PCSK5: variants seen among roughly 807,000 people sequenced by gnomAD.
The protein encoded by PCSK5 is proprotein convertase subtilisin/kexin type 5.
Under a neutral mutation model 233.2 loss-of-function variants are expected in PCSK5, and 129 were observed. The observed-to-expected ratio is 0.55, with a 90% CI of 0.48 to 0.64. PCSK5 has a LOEUF of 0.64. Ranked by LOEUF, PCSK5 falls within the 30% of genes least tolerant of loss-of-function variation. The pLI is 0.00. For missense variants in PCSK5, 2,076 were observed against 2,430.1 expected (o/e 0.85, Z 3.06); for synonymous variants, 825 against 879.2 (o/e 0.94, Z 1.09).
intron 5 of PCSK5, among the ~76,000 whole-genome samples, chr9:76,038,374 T>C (rs974459954): frequency 6.6e-5 from 10 of 152,214 alleles, no homozygotes; most frequent in Admixed American, 1.3e-4. Context: ...CCGTTCATTT[T>C]AGTTTATGCT....
intron 2 of PCSK5, among the ~76,000 whole-genome samples, chr9:75,982,422 A>G (rs368210670): frequency 6.6e-6 from 1 of 152,096 alleles, no homozygotes; most frequent in African/African-American, 2.4e-5. Flanking sequence ...TCCCCTCACC[A>G]TTATGTGAGA....
intron 24 of PCSK5, among the ~76,000 whole-genome samples, chr9:76,255,599 G>T (rs1316836341): frequency 1.3e-5 from 2 of 152,176 alleles, no homozygotes; most frequent in Non-Finnish European, 1.5e-5. Flanking sequence ...GGTGGCAGGT[G>T]AGGGGAATCA....
chr9:76,218,689 T>C (rs1825625751), intron 20 of PCSK5, among the ~76,000 whole-genome samples: 1 of 152,076 alleles, frequency 6.6e-6, no homozygotes, highest in South Asian at 2.1e-4. Flanking sequence ...ATTATCCACA[T>C]TTACAGAAGA....
chr9:76,192,748 C>T (rs1331084507), intron 20 of PCSK5, among the ~76,000 whole-genome samples: 1 of 152,160 alleles, frequency 6.6e-6, no homozygotes, highest in African/African-American at 2.4e-5. Context: ...ATAACAAATA[C>T]TTTTAATAAG....
At chr9:75,939,278 T>G (rs62555895) in intron 2 of PCSK5, among the ~76,000 whole-genome samples, 13,039 of 152,270 alleles carry the variant, frequency 0.086, 753 homozygotes, top group Non-Finnish European at 0.13. Flanking sequence ...ACTAGGGCAA[T>G]AATAACACAG....
chr9:76,332,924 C>A (rs539715978), intron 34 of PCSK5, among the ~76,000 whole-genome samples: 1 of 152,210 alleles, frequency 6.6e-6, no homozygotes, highest in Non-Finnish European at 1.5e-5. Flanking sequence ...TGCCTGTAAT[C>A]CCAACTACGT....
At chr9:76,100,117 T>A (rs1831694774) in intron 8 of PCSK5, among the ~76,000 whole-genome samples, 1 of 152,220 alleles carries the variant, frequency 6.6e-6, no homozygotes, top group Non-Finnish European at 1.5e-5. Flanking sequence ...AGCACAGTTG[T>A]GGACCTCGGT....
intron 16 of PCSK5, among the ~76,000 whole-genome samples, chr9:76,182,756 C>T (rs1823929125): frequency 6.6e-6 from 1 of 152,106 alleles, no homozygotes; most frequent in Non-Finnish European, 1.5e-5. Context: ...GATAATTTCT[C>T]TTAACAAGGA....
At chr9:76,044,164 T>C (rs1360870480) in intron 5 of PCSK5, among the ~76,000 whole-genome samples, 1 of 152,184 alleles carries the variant, frequency 6.6e-6, no homozygotes, top group Non-Finnish European at 1.5e-5. Flanking sequence ...AAATCAGATA[T>C]AATTAGACCA....
chr9:75,958,969 C>A (rs1825217405), intron 2 of PCSK5, among the ~76,000 whole-genome samples: 1 of 152,186 alleles, frequency 6.6e-6, no homozygotes, highest in African/African-American at 2.4e-5. Flanking sequence ...ACTGGCCTTC[C>A]TTCAAAGGTC....
At chr9:76,004,388 C>G (rs1057293046) in intron 3 of PCSK5, among the ~76,000 whole-genome samples, 3 of 151,900 alleles carry the variant, frequency 2.0e-5, no homozygotes, top group Non-Finnish European at 4.4e-5. Flanking sequence ...GTGATGTTAA[C>G]TTTGTTCACT....
chr9:76,046,137 A>G (rs1829361244), intron 5 of PCSK5, among the ~76,000 whole-genome samples: 1 of 142,046 alleles, frequency 7.0e-6, no homozygotes, highest in African/African-American at 2.6e-5. Flanking sequence ...CTTTAGTAGC[A>G]TTAACACATA....
intron 1 of PCSK5, among the ~76,000 whole-genome samples, chr9:75,899,144 A>T (rs1474373812): frequency 6.6e-6 from 1 of 152,124 alleles, no homozygotes; most frequent in African/African-American, 2.4e-5. Context: ...GAGGAGGGAG[A>T]ATGTGAAGAT....
At chr9:75,917,027 G>C (rs1188354484) in intron 1 of PCSK5, among the ~76,000 whole-genome samples, 3 of 152,036 alleles carry the variant, frequency 2.0e-5, no homozygotes, top group Non-Finnish European at 4.4e-5. Context: ...AAATTAGCTG[G>C]GCATGGTGGC....
chr9:75,973,690 T>TATTA (rs1322717759), intron 2 of PCSK5, among the ~76,000 whole-genome samples: 1 of 152,180 alleles, frequency 6.6e-6, no homozygotes, highest in African/African-American at 2.4e-5. Context: ...AAGTATTTAA[T>TATTA]ATTAAACTGA....
intron 3 of PCSK5, among the ~76,000 whole-genome samples, chr9:76,000,940 T>A (rs556791665): frequency 6.6e-6 from 1 of 152,106 alleles, no homozygotes; most frequent in Non-Finnish European, 1.5e-5. Context: ...AAACTCATAT[T>A]TAGAGACCAC....
intron 7 of PCSK5, among the ~76,000 whole-genome samples, chr9:76,073,684 A>G (rs1830550827): frequency 6.6e-6 from 1 of 151,722 alleles, no homozygotes; most frequent in Non-Finnish European, 1.5e-5. Context: ...ATCTGAAAAT[A>G]CTTAAATTAG....
intron 3 of PCSK5, among the ~76,000 whole-genome samples, chr9:76,019,490 T>C (rs1293525651): frequency 6.6e-6 from 1 of 152,338 alleles, no homozygotes; most frequent in East Asian, 1.9e-4. Flanking sequence ...TAGCAGATTA[T>C]TGACAGCATT....
intron 3 of PCSK5, among the ~76,000 whole-genome samples, chr9:75,987,518 A>C (rs778734597): frequency 6.6e-6 from 1 of 152,096 alleles, no homozygotes; most frequent in Non-Finnish European, 1.5e-5. Context: ...ATTTGTGCTT[A>C]TTTTGAGATG....
Sources: gnomAD v4.1 joint callset for allele counts (sites outside exome capture counted in the v4.1 genomes callset) on GRCh38, gnomAD v4.1.1 for gene constraint, MANE v1.5 for transcripts, NCBI Gene and HGNC (gene_info 2026-07-23, HGNC 2026-07-21) for gene names.